Variants in HP1BP3 observed in about 807,000 individuals in gnomAD.
HP1BP3 encodes the protein heterochromatin protein 1 binding protein 3.
HP1BP3 carries 12 observed loss-of-function variants against 62.5 expected under a neutral mutation model. That is an observed-to-expected ratio of 0.19 (90% CI 0.12 to 0.31). The LOEUF (loss-of-function observed/expected upper bound fraction) is 0.31. Ranked by LOEUF, HP1BP3 falls within the 10% of genes least tolerant of loss-of-function variation. The pLI is 1.00. For synonymous variants in HP1BP3, 260 were observed against 237.8 expected, an observed-to-expected ratio of 1.09 and a Z score of -0.86; for missense variants, 502 against 651.8, an observed-to-expected ratio of 0.77 and a Z score of 2.50.
intron 6 of HP1BP3, among the ~76,000 whole-genome samples, chr1:20,768,903 C>A (rs1388640844): frequency 2.0e-5 from 3 of 152,186 alleles, no homozygotes; most frequent in Admixed American, 6.5e-5. Flanking sequence ...ATGCAGCAAT[C>A]AAGCTGGAAT....
At chr1:20,762,725 A>T (rs957859171) in intron 8 of HP1BP3, among the ~76,000 whole-genome samples, 8 of 152,104 alleles carry the variant, frequency 5.3e-5, no homozygotes, top group South Asian at 2.1e-4. Flanking sequence ...GACCAAACCA[A>T]CATACACCTT....
At position 20,773,562 on chromosome 1, in the gene HP1BP3, A is replaced by G. The variant is rs1452509259; in HGVS notation, c.399T>C (p.Ile133=). Residue 133 remains isoleucine (I), a synonymous_variant, in exon 5 of 13, where the codon ATT becomes ATC. Coordinates refer to ENST00000438032, the MANE Select transcript of HP1BP3 (RefSeq NM_001372052.1). ...KEKEKKVKKT[I]PSWATLSASQ... ...TGGCAGAAAGGGTAGCCCAGGAAGG[A>G]ATTGTTTTTTTCACTTTCTTCTCCT... The G allele has an allele frequency of 6.2e-6, 10 of 1,609,986 alleles. No homozygotes were observed. The African/African-American group carries it at 1.3e-4, about 22-fold the overall frequency.
At chr1:20,747,876 A>G (rs1041577058) in intron 10 of HP1BP3, among the ~76,000 whole-genome samples, 4 of 152,304 alleles carry the variant, frequency 2.6e-5, no homozygotes, top group African/African-American at 9.6e-5. Context: ...ACATATATCT[A>G]TATTTTAAAA....
intron 10 of HP1BP3, among the ~76,000 whole-genome samples, chr1:20,749,461 C>A (rs1416489150): frequency 6.6e-6 from 1 of 151,350 alleles, no homozygotes. Flanking sequence ...TGGGTTCATG[C>A]GTTTCTCCTG....
chr1:20,756,942 G>A (rs113919494), intron 9 of HP1BP3, among the ~76,000 whole-genome samples: 62,894 of 151,894 alleles, frequency 0.41, 13,321 homozygotes, highest in African/African-American at 0.44. Context: ...ACTCCCAACC[G>A]CAGGTGATCC....
rs1026216289 is a variant in HP1BP3 at position 20,780,389 on chromosome 1, G to A, written c.52C>T (p.Leu18Phe). ...GELVHPKALPLIVGAQLIHAD... is the reference protein window; with the variant it reads ...GELVHPKALPFIVGAQLIHAD... ...TGGATCAGCTGAGCTCCTACTATAA[G>A]TGGGAGTGCCTTAGGATGGACGAGT... Residue 18 changes from leucine to phenylalanine, a missense_variant, in exon 2 of 13, where the codon CTT becomes TTT. Physicochemically the swap from Leu to Phe is conservative, Grantham distance 22. Transcript: ENST00000438032. The A allele has an allele frequency of 1.9e-6, 3 of 1,613,890 alleles. No homozygotes were observed. Among genetic ancestry groups the A allele is most frequent in the East Asian group, 2.2e-5 (1 of 44,890 alleles).
In HP1BP3 at chr1:20,770,101, C is replaced by G. The variant is rs116080492; in HGVS notation, c.654+829G>C. 6.4e-3 allele frequency among the ~76,000 whole-genome samples: 973 copies of G among 152,254 alleles called. 4 individuals are homozygous for G. Among genetic ancestry groups the G allele is most frequent in the Non-Finnish European group, 0.011 (753 of 68,026 alleles). ...TTCTATGGTTCTAAGTTTCCATGCA[C>G]TATGCAAGATAAAGTAGATTTATGC... On this transcript the variant is annotated intron_variant, in intron 6 of 12. Transcript: ENST00000438032.
chr1:20,775,950 A>C, intron 4 of HP1BP3: 1 of 1,514,940 alleles, frequency 6.6e-7, no homozygotes. Flanking sequence ...GTTAAAAGCA[A>C]TTTCTAACTG....
chr1:20,749,641 G>T (rs1173706302), intron 10 of HP1BP3, 82 bp downstream of exon 10: 3 of 1,357,078 alleles, frequency 2.2e-6, no homozygotes, highest in Non-Finnish European at 3.0e-6. Flanking sequence ...TTACAGGCGT[G>T]AGCCACAGTG....
chr1:20,757,012 C>T (rs751288021), intron 9 of HP1BP3, among the ~76,000 whole-genome samples, 154 bp downstream of exon 9: 18 of 152,082 alleles, frequency 1.2e-4, no homozygotes, highest in Non-Finnish European at 2.2e-4. Context: ...ACCCAGACCT[C>T]AATGTTAATT....
chr1:20,747,728 T>C (rs76336624), intron 10 of HP1BP3, 73 bp from the exon 11 acceptor site: 31,683 of 840,010 alleles, frequency 0.038, 1,193 homozygotes, highest in East Asian at 0.15. Flanking sequence ...CACAAACAGA[T>C]GCCCATCAAT....
At chr1:20,782,358 A>AGGTT (rs996577649) in intron 1 of HP1BP3, among the ~76,000 whole-genome samples, 19 of 151,616 alleles carry the variant, frequency 1.3e-4, no homozygotes, top group Admixed American at 2.6e-4. Flanking sequence ...CTAAGGTAGG[A>AGGTT]GGTTCACTCG....
In HP1BP3 at chr1:20,742,147, A is replaced by G. The variant is rs1308027446; in HGVS notation, c.*2650T>C. Among the ~76,000 whole-genome samples the G allele has an allele frequency of 6.6e-6, 1 of 152,242 alleles. No individual in the cohort carries two copies. The highest frequency in any genetic ancestry group is 2.4e-5 in the African/African-American group (1 of 41,460). On this transcript the variant is annotated 3_prime_UTR_variant, in exon 13 of 13. Coordinates refer to ENST00000438032, the MANE Select transcript of HP1BP3 (RefSeq NM_001372052.1). ...TACAGCCACCAGGTGATTATTCAGT[A>G]AGTCTCTTTAAAAGCAGTATCATAA...
At chr1:20,746,749 C>T (rs535440837) in intron 11 of HP1BP3, among the ~76,000 whole-genome samples, 15 of 152,284 alleles carry the variant, frequency 9.9e-5, no homozygotes, top group Admixed American at 9.8e-4. Context: ...ACAATTAAAA[C>T]TTATGCATAT....
chr1:20,768,811 G>C (rs1182868199), intron 6 of HP1BP3, among the ~76,000 whole-genome samples: 1 of 151,806 alleles, frequency 6.6e-6, no homozygotes, highest in African/African-American at 2.4e-5. Context: ...TTGTGTAACA[G>C]AGCGAGACTC....
At chr1:20,752,739 A>G (rs759646338) in intron 9 of HP1BP3, among the ~76,000 whole-genome samples, 9 of 152,154 alleles carry the variant, frequency 5.9e-5, no homozygotes, top group Non-Finnish European at 1.2e-4. Flanking sequence ...AAAGAGCACG[A>G]ATTCACTTAG....
At chr1:20,755,624 G>C (rs902947885) in intron 9 of HP1BP3, among the ~76,000 whole-genome samples, 2 of 151,962 alleles carry the variant, frequency 1.3e-5, no homozygotes, top group Non-Finnish European at 2.9e-5. Context: ...CAGTTTCTTA[G>C]AACATAAATT....
At chr1:20,762,570 G>A (rs904982685) in intron 8 of HP1BP3, among the ~76,000 whole-genome samples, 3 of 152,080 alleles carry the variant, frequency 2.0e-5, no homozygotes, top group Admixed American at 2.0e-4. Flanking sequence ...AGAACTTCAA[G>A]TCATTCATCT....
intron 8 of HP1BP3, among the ~76,000 whole-genome samples, chr1:20,759,029 T>C (rs887089897): frequency 1.3e-5 from 2 of 152,212 alleles, no homozygotes; most frequent in African/African-American, 4.8e-5. Flanking sequence ...CTGTAAAATA[T>C]CATTCTGGAG....
Sources: gnomAD v4.1 joint callset for allele counts (sites outside exome capture counted in the v4.1 genomes callset) on GRCh38, gnomAD v4.1.1 for gene constraint, MANE v1.5 for transcripts, NCBI Gene and HGNC (gene_info 2026-07-23, HGNC 2026-07-21) for gene names.